The following CNTN5 variants were observed in gnomAD, a reference collection of about 807,000 sequenced individuals.
CNTN5 encodes the protein contactin-5.
Under a neutral mutation model 129.1 loss-of-function variants are expected in CNTN5, and 77 were observed. That is an observed-to-expected ratio of 0.60 (90% confidence interval 0.50 to 0.72). The LOEUF is 0.72. CNTN5 is among the 30% of genes least tolerant of loss of function. CNTN5 has a pLI of 0.00. For missense variants in CNTN5, 1,478 were observed against 1,328.8 expected (o/e 1.11, Z -1.75); for synonymous variants, 509 against 465.6 (o/e 1.09, Z -1.20).
At chr11:99,507,931 T>C (rs1946686989) in intron 2 of CNTN5, among the ~76,000 whole-genome samples, 1 of 152,238 alleles carries the variant, frequency 6.6e-6, no homozygotes, top group Non-Finnish European at 1.5e-5. Context: ...TTTATAAAAC[T>C]TAACTCAAAT....
At chr11:99,596,505 T>C (rs1950129640) in intron 3 of CNTN5, among the ~76,000 whole-genome samples, 1 of 152,152 alleles carries the variant, frequency 6.6e-6, no homozygotes. Flanking sequence ...AAACACCCAC[T>C]AATCACAGAT....
intron 2 of CNTN5, among the ~76,000 whole-genome samples, chr11:99,547,286 G>A (rs1183331408): frequency 1.3e-5 from 2 of 152,120 alleles, no homozygotes; most frequent in Non-Finnish European, 2.9e-5. Flanking sequence ...TTACAGGCGT[G>A]AGCCACCGCG....
intron 24 of CNTN5, 75 bp from the exon 25 acceptor site, chr11:100,356,042 A>G (rs10894795): frequency 0.31 from 288,592 of 920,322 alleles, 48,113 homozygotes; most frequent in Non-Finnish European, 0.34. Context: ...TTAGTCTTAC[A>G]TACTAAAAAC....
chr11:99,030,521 C>A (rs1028416343), intron 1 of CNTN5, among the ~76,000 whole-genome samples: 2 of 151,890 alleles, frequency 1.3e-5, no homozygotes, highest in African/African-American at 4.8e-5. Flanking sequence ...TTTTGTTGGG[C>A]TAGAAAAGGG....
intron 8 of CNTN5, among the ~76,000 whole-genome samples, chr11:100,000,736 C>G (rs568158988): frequency 1.3e-5 from 2 of 152,338 alleles, no homozygotes; most frequent in African/African-American, 4.8e-5. Context: ...AAACTTCTGC[C>G]TGGACATCTA....
chr11:100,349,780 C>G (rs1441945254), intron 23 of CNTN5, among the ~76,000 whole-genome samples: 1 of 151,580 alleles, frequency 6.6e-6, no homozygotes, highest in East Asian at 1.9e-4. Context: ...ACTATTATAC[C>G]AAAAATTTTA....
intron 13 of CNTN5, among the ~76,000 whole-genome samples, chr11:100,158,315 TGCACAGGATAGTGACTG>T (rs1285581060): frequency 2.6e-5 from 4 of 151,660 alleles, no homozygotes; most frequent in Admixed American, 1.3e-4. Flanking sequence ...GGAGATCTAA[TGCACAGGATAGTGACTG>T]TAATTAATAA....
chr11:99,468,501 G>T (rs937823991), intron 2 of CNTN5, among the ~76,000 whole-genome samples: 1 of 152,062 alleles, frequency 6.6e-6, no homozygotes, highest in Non-Finnish European at 1.5e-5. Flanking sequence ...TCTAGCTGCC[G>T]CCAACAGCCT....
intron 13 of CNTN5, among the ~76,000 whole-genome samples, chr11:100,104,747 C>T (rs953311544): frequency 6.6e-6 from 1 of 152,070 alleles, no homozygotes; most frequent in African/African-American, 2.4e-5. Flanking sequence ...GGTAATTTGA[C>T]CCCTCCATTC....
chr11:99,157,386 A>G (rs2135504358), intron 1 of CNTN5, among the ~76,000 whole-genome samples: 2 of 152,134 alleles, frequency 1.3e-5, no homozygotes, highest in South Asian at 4.1e-4. Context: ...TTTTCCAGTA[A>G]TTGAATTGCT....
intron 8 of CNTN5, among the ~76,000 whole-genome samples, chr11:99,959,320 T>G (rs1277155341): frequency 6.6e-6 from 1 of 152,202 alleles, no homozygotes; most frequent in Non-Finnish European, 1.5e-5. Context: ...CTTCTGTGCT[T>G]TCCTTAGACT....
intron 2 of CNTN5, among the ~76,000 whole-genome samples, chr11:99,514,430 T>C (rs983938765): frequency 6.6e-6 from 1 of 152,076 alleles, no homozygotes; most frequent in Non-Finnish European, 1.5e-5. Context: ...CAAAATGTTA[T>C]CAAACAGTGT....
intron 9 of CNTN5, among the ~76,000 whole-genome samples, chr11:100,044,789 C>T (rs149665374): frequency 5.9e-5 from 9 of 152,094 alleles, no homozygotes; most frequent in African/African-American, 1.4e-4. Flanking sequence ...TGTCTGTTCA[C>T]GCTGTTGATT....
intron 6 of CNTN5, among the ~76,000 whole-genome samples, chr11:99,889,167 T>C (rs1160098126): frequency 1.3e-5 from 2 of 152,154 alleles, no homozygotes; most frequent in African/African-American, 4.8e-5. Flanking sequence ...TTGTCTAAAA[T>C]GTCATACAAA....
chr11:100,314,500 C>T (rs980059768), intron 21 of CNTN5, among the ~76,000 whole-genome samples: 1 of 152,070 alleles, frequency 6.6e-6, no homozygotes, highest in African/African-American at 2.4e-5. Context: ...TACCCATGTT[C>T]CACTTTGAAA....
intron 9 of CNTN5, among the ~76,000 whole-genome samples, chr11:100,015,805 A>C (rs1011138732): frequency 6.6e-6 from 1 of 152,110 alleles, no homozygotes; most frequent in Non-Finnish European, 1.5e-5. Flanking sequence ...AAAATTAATT[A>C]CATAAGGTGT....
chr11:99,084,773 T>G (rs55920795), intron 1 of CNTN5, among the ~76,000 whole-genome samples: 1 of 152,322 alleles, frequency 6.6e-6, no homozygotes, highest in Non-Finnish European at 1.5e-5. Context: ...AAGCATTGCA[T>G]TGAAAAGCCT....
At chr11:99,453,497 C>T (rs2656181) in intron 2 of CNTN5, among the ~76,000 whole-genome samples, 117,910 of 152,114 alleles carry the variant, frequency 0.78, 45,777 homozygotes, top group South Asian at 0.81. Flanking sequence ...TTTTGTCTAA[C>T]AGCTTTTGTA....
intron 4 of CNTN5, among the ~76,000 whole-genome samples, chr11:99,824,492 T>C (rs953737063): frequency 1.3e-5 from 2 of 152,046 alleles, no homozygotes; most frequent in Admixed American, 1.3e-4. Context: ...TACAAATCAG[T>C]TGGTCACTGG....
Sources: gnomAD v4.1 joint callset for allele counts (sites outside exome capture counted in the v4.1 genomes callset) on GRCh38, gnomAD v4.1.1 for gene constraint, MANE v1.5 for transcripts, NCBI Gene and HGNC (gene_info 2026-07-23, HGNC 2026-07-21) for gene names.